Variants in EFR3B observed in about 807,000 individuals in gnomAD.
EFR3B encodes the protein EFR3 homolog B, also known as protein EFR3 homolog B.
EFR3B carries 64 observed loss-of-function variants against 104.7 expected under a neutral mutation model. That is an observed-to-expected ratio of 0.61 (90% CI 0.50 to 0.75). EFR3B has a LOEUF of 0.75. Ranked by LOEUF, EFR3B falls within the 30% of genes least tolerant of loss-of-function variation. The probability of loss-of-function intolerance (pLI) is 0.00; values close to 1 mark genes in which losing one functional copy is unlikely to be tolerated. For synonymous variants in EFR3B, 385 were observed against 417.9 expected (o/e 0.92, Z 0.96); for missense variants, 750 against 1,078.5 (o/e 0.70, Z 4.27).
At position 25,148,066 on chromosome 2, in the gene EFR3B, G is replaced by A. The variant is rs150148234; in HGVS notation, c.2143-1628G>A. Reference sequence around the variant, plus strand: ...AAAAAAAGAAGAGCATGAGTAAATCGTAGGTCTAATAGCTCTTTGTCTAGT... The same window carrying A: ...AAAAAAAGAAGAGCATGAGTAAATCATAGGTCTAATAGCTCTTTGTCTAGT... On this transcript the variant is annotated intron_variant, in intron 19 of 22. Coordinates refer to ENST00000403714, the MANE Select transcript of EFR3B (RefSeq NM_014971.2). 1.9e-3 allele frequency among the ~76,000 whole-genome samples: 276 copies of A among 148,236 alleles called. 1 individual carries two copies. The highest frequency in any genetic ancestry group is 6.4e-3 in the African/African-American group (257 of 40,190).
intron 1 of EFR3B, among the ~76,000 whole-genome samples, chr2:25,059,699 C>T (rs189731119): frequency 4.6e-5 from 7 of 151,388 alleles, no homozygotes; most frequent in East Asian, 3.9e-4. Flanking sequence ...GACTTCATGC[C>T]GCTGAACTGC....
At chr2:25,049,822 A>G (rs1667816245) in intron 1 of EFR3B, among the ~76,000 whole-genome samples, 1 of 151,936 alleles carries the variant, frequency 6.6e-6, no homozygotes, top group East Asian at 1.9e-4. Context: ...TATGTGATAG[A>G]TAAGGAGATA....
At chr2:25,046,431 A>G (rs1441494056) in intron 1 of EFR3B, among the ~76,000 whole-genome samples, 1 of 151,464 alleles carries the variant, frequency 6.6e-6, no homozygotes, top group African/African-American at 2.4e-5. Flanking sequence ...ACGGAATCCT[A>G]TTTCGTGAGT....
At chr2:25,149,850 C>A in intron 20 of EFR3B, 108 bp downstream of exon 20, 1 of 1,015,544 alleles carries the variant, frequency 9.8e-7, no homozygotes, top group Non-Finnish European at 1.5e-6. Flanking sequence ...TGGGATCCAG[C>A]ACCTGCGTGA....
At chr2:25,110,338 T>C (rs1247496619) in intron 4 of EFR3B, among the ~76,000 whole-genome samples, 1 of 152,178 alleles carries the variant, frequency 6.6e-6, no homozygotes, top group African/African-American at 2.4e-5. Flanking sequence ...CATATGTGCG[T>C]TAGGAGTTTA....
chr2:25,067,433 T>G lies in EFR3B; in HGVS notation c.8-23892T>G, dbSNP rs533290707. 1.9e-3 allele frequency among the ~76,000 whole-genome samples: 291 copies of G among 151,650 alleles called. 1 individual carries two copies. The highest frequency in any genetic ancestry group is 6.1e-3 in the African/African-American group (250 of 41,298). On this transcript the variant is annotated intron_variant, in intron 1 of 22. Coordinates refer to ENST00000403714, the MANE Select transcript of EFR3B (RefSeq NM_014971.2). The stretch of plus-strand genomic sequence containing the variant: ...GCCTCCTTTTTAGTTTTTGTTTTTT[T>G]TTTTTTGTTTTTTGTTTTTGAGATA...
intron 4 of EFR3B, among the ~76,000 whole-genome samples, chr2:25,109,612 A>G (rs947502567): frequency 6.6e-6 from 1 of 152,214 alleles, no homozygotes; most frequent in Non-Finnish European, 1.5e-5. Context: ...AAAGGTAGAA[A>G]CAACCAAAAA....
Position 25,131,622 on chromosome 2 carries a change from C to T in EFR3B, c.985+119C>T. The T allele has an allele frequency of 6.7e-7, 1 of 1,496,462 alleles. No homozygotes were observed. The highest frequency in any genetic ancestry group is 9.0e-7 in the Non-Finnish European group (1 of 1,116,878). The allele number at this position is 1,496,462 out of a possible 1,614,324, so 92.7% of individuals were successfully genotyped here. On this transcript the variant is annotated intron_variant, in intron 9 of 22. Coordinates refer to ENST00000403714, the MANE Select transcript of EFR3B (RefSeq NM_014971.2). The surrounding 1 kb of genome is among the most constrained non-coding windows in gnomAD (Gnocchi z 7.6). ...GTCCGTTTTCCTCGGGAGAAGTCCG[C>T]CAGGAAGTTGGGAGCGCAGAGGAAG...
chr2:25,085,232 T>C (rs945325351), intron 1 of EFR3B, among the ~76,000 whole-genome samples: 2 of 152,188 alleles, frequency 1.3e-5, no homozygotes, highest in African/African-American at 4.8e-5. Context: ...TCTGTTATTG[T>C]ATTGATAAGG....
At position 25,152,035 on chromosome 2, in the gene EFR3B, AC is replaced by A. The variant is rs1366222855; in HGVS notation, c.2298+16del. ...GCGGGGCCCGGGTAAGTGAAGCATG[AC>A]ATGGGCGAGTCCCTGGGAGCCAAGT... On this transcript the variant is annotated intron_variant, in intron 21 of 22. Transcript: ENST00000403714. The A allele has an allele frequency of 1.9e-6, 3 of 1,550,974 alleles. No individual in the cohort carries two copies. The highest frequency in any genetic ancestry group is 3.9e-5 in the Admixed American group (2 of 51,008).
intron 1 of EFR3B, among the ~76,000 whole-genome samples, chr2:25,062,296 G>A (rs1668218556): frequency 6.6e-6 from 1 of 152,200 alleles, no homozygotes; most frequent in Non-Finnish European, 1.5e-5. Flanking sequence ...TGGGCCAGTG[G>A]GTTGACTGGA....
At chr2:25,118,726 CAA>C (rs869026900) in intron 4 of EFR3B, among the ~76,000 whole-genome samples, 28 of 33,516 alleles carry the variant, frequency 8.4e-4, no homozygotes, top group African/African-American at 3.0e-3. Context: ...CCTGTCTCTA[CAA>C]AAAAAAAAAA....
chr2:25,059,941 C>G, intron 1 of EFR3B, among the ~76,000 whole-genome samples: 1 of 142,886 alleles, frequency 7.0e-6, no homozygotes, highest in Non-Finnish European at 1.5e-5. Context: ...GGCCTGTAAT[C>G]TAATCCCAGC....
At chr2:25,088,401 CTG>C (rs1669019061) in intron 1 of EFR3B, among the ~76,000 whole-genome samples, 1 of 152,104 alleles carries the variant, frequency 6.6e-6, no homozygotes, top group African/African-American at 2.4e-5. Context: ...CGGATGGAGT[CTG>C]TGTTCTGTGA....
intron 10 of EFR3B, 98 bp from the exon 11 acceptor site, chr2:25,132,805 G>C (rs567466743): frequency 1.0e-6 from 1 of 990,558 alleles, no homozygotes; most frequent in South Asian, 1.5e-5. Context: ...ATTGACTCCG[G>C]AGAGAGGCAG....
At chr2:25,139,767 T>A (rs536874315) in intron 16 of EFR3B, among the ~76,000 whole-genome samples, 104 of 152,358 alleles carry the variant, frequency 6.8e-4, no homozygotes, top group African/African-American at 2.5e-3. Context: ...TAAACAAATA[T>A]TTTAAAACAA....
intron 1 of EFR3B, among the ~76,000 whole-genome samples, chr2:25,044,788 G>A (rs368301968): frequency 6.6e-6 from 1 of 152,154 alleles, no homozygotes; most frequent in South Asian, 2.1e-4. Context: ...CAGCTCTGGA[G>A]GATCTCCGTT....
chr2:25,131,852 C>T lies in EFR3B; in HGVS notation c.1088C>T (p.Thr363Ile). 1.9e-6 allele frequency: 3 copies of T among 1,549,354 alleles called. No homozygotes were observed. Among genetic ancestry groups the T allele is most frequent in the Non-Finnish European group, 2.6e-6 (3 of 1,146,310 alleles). The change falls in exon 10 of 23, where the codon ACC (threonine) becomes ATC (isoleucine). Residue 363 changes from threonine to isoleucine, a missense_variant. Thr to Ile is a moderately conservative substitution (Grantham distance 89, BLOSUM62 -1). Transcript: ENST00000403714. The surrounding 1 kb of genome is among the most constrained non-coding windows in gnomAD (Gnocchi z 7.6). ...GSYDGAVSLG[T>I]KIIKEHEERM... ...TACGACGGGGCGGTCAGCCTCGGCA[C>T]CAAGATCATCAAGGAGCACGAGGAG...
Position 25,154,274 on chromosome 2 carries a change from C to T in EFR3B, c.2388C>T (p.Tyr796=), listed in dbSNP as rs1177829793. Residue 796 remains tyrosine, a synonymous_variant, in exon 23 of 23, where the codon TAC becomes TAT. Coordinates refer to ENST00000403714, the MANE Select transcript of EFR3B (RefSeq NM_014971.2). This position sits in a 1 kb window ranked among gnomAD's most constrained non-coding sequence, Gnocchi z 4.1. ...PSPSGTITAA[Y]GQPQNHSIPV... ...CATCAGGAACCATCACTGCAGCCTA[C>T]GGTCAGCCGCAGAACCACTCCATCC... The T allele has an allele frequency of 1.1e-5, 17 of 1,551,958 alleles. No homozygotes were observed. The highest frequency in any genetic ancestry group is 2.7e-5 in the African/African-American group (2 of 73,186).
Sources: gnomAD v4.1 joint callset for allele counts (sites outside exome capture counted in the v4.1 genomes callset) on GRCh38, gnomAD v4.1.1 for gene constraint, Gnocchi (gnomAD v3.1) non-coding constraint, MANE v1.5 for transcripts, NCBI Gene and HGNC (gene_info 2026-07-23, HGNC 2026-07-21) for gene names.